PIEZO2: variants seen among roughly 807,000 people sequenced by gnomAD.
PIEZO2 encodes the protein piezo type mechanosensitive ion channel component 2.
Under a neutral mutation model 337.3 loss-of-function variants are expected in PIEZO2, and 172 were observed. The observed-to-expected ratio is 0.51, with a 90% CI of 0.45 to 0.58. PIEZO2 has a LOEUF of 0.58. PIEZO2 is among the 20% of genes least tolerant of loss of function. The pLI is 0.00. For synonymous variants in PIEZO2, 1,251 were observed against 1,228.5 expected (o/e 1.02, Z -0.38); for missense variants, 3,028 against 3,391.3 (o/e 0.89, Z 2.66).
intron 3 of PIEZO2, among the ~76,000 whole-genome samples, chr18:10,975,269 A>T (rs966831110): frequency 6.6e-6 from 1 of 152,232 alleles, no homozygotes; most frequent in Non-Finnish European, 1.5e-5. Context: ...ATCGCCACAC[A>T]TCTAACACGG....
At chr18:11,076,235 G>T (rs1323600811) in intron 1 of PIEZO2, among the ~76,000 whole-genome samples, 1 of 152,172 alleles carries the variant, frequency 6.6e-6, no homozygotes, top group Non-Finnish European at 1.5e-5. Flanking sequence ...CACACTTCAA[G>T]AAAGAGAAAC....
At position 10,897,607 on chromosome 18, in the gene PIEZO2, C is replaced by T. The variant is rs557508465; in HGVS notation, c.329+13579G>A. On this transcript the variant is annotated intron_variant, in intron 4 of 55. Coordinates refer to ENST00000674853, the MANE Select transcript of PIEZO2 (RefSeq NM_001378183.1). ...CATGAGTGTGGGGCCTCCTCAGCCA[C>T]GTGGAACTGTGAGTCCATTAAACCT... Among the ~76,000 whole-genome samples, 5 of 152,306 alleles carry T rather than the reference C, an allele frequency of 3.3e-5. No homozygotes were observed. In the East Asian group the frequency reaches 7.7e-4, roughly 24 times the overall value.
At position 10,988,505 on chromosome 18, in the gene PIEZO2, T is replaced by C. The variant is rs2034967806; in HGVS notation, c.161-8845A>G. On this transcript the variant is annotated intron_variant, in intron 2 of 55. Coordinates refer to ENST00000674853, the MANE Select transcript of PIEZO2 (RefSeq NM_001378183.1). This position sits in a 1 kb window ranked among gnomAD's most constrained non-coding sequence, Gnocchi z 4.8. ...TACTGTTGGTGAAAATGTAACTTGG[T>C]AGCTCCATTATGAAAAATAGTATGG... Among the ~76,000 whole-genome samples the C allele has an allele frequency of 6.6e-6, 1 of 152,176 alleles. No homozygotes were observed. The highest frequency in any genetic ancestry group is 2.4e-5 in the African/African-American group (1 of 41,444).
At position 11,116,572 on chromosome 18, in the gene PIEZO2, G is replaced by A. The variant is rs889490532; in HGVS notation, c.64+31953C>T. ...ACTAAAAAAAATTAAAAAATTAGCC[G>A]GGCGTGGTGGCGGGGGGCCTGTAGT... On this transcript the variant is annotated intron_variant, in intron 1 of 55. Coordinates refer to ENST00000674853, the MANE Select transcript of PIEZO2 (RefSeq NM_001378183.1). The surrounding 1 kb of genome is among the most constrained non-coding windows in gnomAD (Gnocchi z 5.0). Among the ~76,000 whole-genome samples, 7 of 151,960 alleles carry A rather than the reference G, an allele frequency of 4.6e-5. No homozygotes were observed. The highest frequency in any genetic ancestry group is 3.9e-4 in the East Asian group (2 of 5,132).
chr18:11,029,648 G>T (rs2036659723), intron 2 of PIEZO2, among the ~76,000 whole-genome samples: 2 of 152,108 alleles, frequency 1.3e-5, no homozygotes, highest in South Asian at 4.2e-4. Context: ...TGTCTGCTGG[G>T]GTAGTTCTTT....
chr18:10,692,408 T>C lies in PIEZO2; in HGVS notation c.7191-1025A>G, dbSNP rs537771963. The stretch of plus-strand genomic sequence containing the variant: ...CTTGAATGTTTTGATACAAGCACCA[T>C]ATTTCTCTCTGTGCCATATTTTGGA... On this transcript the variant is annotated intron_variant, in intron 47 of 55. Coordinates refer to ENST00000674853, the MANE Select transcript of PIEZO2 (RefSeq NM_001378183.1). Among the ~76,000 whole-genome samples the C allele has an allele frequency of 6.5e-4, 99 of 152,296 alleles. 1 individual carries two copies. The highest frequency in any genetic ancestry group is 2.2e-3 in the African/African-American group (93 of 41,580).
rs1289961960 is a variant in PIEZO2 at position 10,762,486 on chromosome 18, G to C, written c.3249+14C>G. On this transcript the variant is annotated intron_variant, in intron 23 of 55. Coordinates refer to ENST00000674853, the MANE Select transcript of PIEZO2 (RefSeq NM_001378183.1). Reference sequence around the variant, plus strand: ...CGGAGTGGAGGCCCAAACTAAGCACGACAAAGCCATTACCCTCAGGTAGAC... The same window carrying C: ...CGGAGTGGAGGCCCAAACTAAGCACCACAAAGCCATTACCCTCAGGTAGAC... 1.3e-6 allele frequency: 2 copies of C among 1,535,820 alleles called. No homozygotes were observed. Among genetic ancestry groups the C allele is most frequent in the South Asian group, 1.2e-5 (1 of 83,610 alleles).
At chr18:10,809,258 C>CTTT (rs2040101198) in intron 7 of PIEZO2, among the ~76,000 whole-genome samples, 4 of 86,072 alleles carry the variant, frequency 4.6e-5, no homozygotes, top group South Asian at 3.7e-4. Context: ...CTCTCTCTCT[C>CTTT]TCTTTTTTTT....
At position 11,040,417 on chromosome 18, in the gene PIEZO2, A is replaced by G. The variant is rs189264481; in HGVS notation, c.160+25710T>C. ...TGAGGAGGTAATGACTAAATTGATC[A>G]GAACATAATCAGGGTTTTAACTGTC... is the stretch of plus-strand genomic sequence containing the variant. On this transcript the variant is annotated intron_variant, in intron 2 of 55. Coordinates refer to ENST00000674853, the MANE Select transcript of PIEZO2 (RefSeq NM_001378183.1). Among the ~76,000 whole-genome samples the G allele has an allele frequency of 1.7e-3, 265 of 152,330 alleles. 1 individual carries two copies. The highest frequency in any genetic ancestry group is 6.2e-3 in the African/African-American group (257 of 41,582).
rs2041054590 is a variant in PIEZO2 at position 10,837,541 on chromosome 18, G to A, written c.917+17812C>T. Reference sequence around the variant, plus strand: ...CAAGAAAGCTTGAGAACCACTGGTAGATGGTATCAATATCTCTTCCCAATC... The same window carrying A: ...CAAGAAAGCTTGAGAACCACTGGTAAATGGTATCAATATCTCTTCCCAATC... On this transcript the variant is annotated intron_variant, in intron 7 of 55. Coordinates refer to ENST00000674853, the MANE Select transcript of PIEZO2 (RefSeq NM_001378183.1). The surrounding 1 kb of genome is among the most constrained non-coding windows in gnomAD (Gnocchi z 4.4). Among the ~76,000 whole-genome samples, 1 of 152,178 alleles carries A rather than the reference G, an allele frequency of 6.6e-6. No homozygotes were observed. The highest frequency in any genetic ancestry group is 2.1e-4 in the South Asian group (1 of 4,830).
chr18:10,970,670 A>T (rs947456757), intron 3 of PIEZO2, among the ~76,000 whole-genome samples: 2,551 of 140,826 alleles, frequency 0.018, 89 homozygotes, highest in African/African-American at 0.069. Flanking sequence ...TCACACACAC[A>T]CACACACACA....
chr18:10,936,616 G>C (rs2032415024), intron 3 of PIEZO2, among the ~76,000 whole-genome samples: 1 of 152,172 alleles, frequency 6.6e-6, no homozygotes, highest in African/African-American at 2.4e-5. Context: ...TAAGTTGTAA[G>C]AGTTCTGCCA....
At chr18:10,742,148 C>T (rs572411081) in intron 32 of PIEZO2, among the ~76,000 whole-genome samples, 8 of 152,060 alleles carry the variant, frequency 5.3e-5, no homozygotes, top group Admixed American at 5.2e-4. Context: ...GAGCGAGACT[C>T]CGTCTCAAAA....
At chr18:10,930,884 ACCT>A (rs1464961124) in intron 3 of PIEZO2, among the ~76,000 whole-genome samples, 1 of 152,150 alleles carries the variant, frequency 6.6e-6, no homozygotes, top group East Asian at 1.9e-4. Flanking sequence ...TCTATAGGTA[ACCT>A]CCTATTGTTT....
rs958627930 is a variant in PIEZO2, at chr18:10,704,780, A to G, written c.6000-128T>C. On this transcript the variant is annotated intron_variant, in intron 41 of 55. Transcript: ENST00000674853. ...GCTCACTGCAACCTCCGCCTCCCGAACTCAAGCCATTCTCCTGCTTCAGCC... is the reference window on the plus strand; with the variant it reads ...GCTCACTGCAACCTCCGCCTCCCGAGCTCAAGCCATTCTCCTGCTTCAGCC... 28 of 1,118,874 alleles carry G rather than the reference A, an allele frequency of 2.5e-5. No individual in the cohort carries two copies. The African/African-American group carries it at 3.5e-4, about 14-fold the overall frequency. 69.3% of individuals were successfully genotyped at this position (1,118,874 alleles called of 1,614,324 possible). A position where few individuals can be genotyped will look rare whatever the true frequency, so the allele number is the denominator to read the frequency against.
At chr18:10,751,772 C>T (rs1235616036) in intron 28 of PIEZO2, among the ~76,000 whole-genome samples, 2 of 152,290 alleles carry the variant, frequency 1.3e-5, no homozygotes, top group East Asian at 1.9e-4. Context: ...CTTAAGTGAG[C>T]GCCAGCCAGA....
chr18:10,728,791 T>C (rs1172613876), intron 36 of PIEZO2, among the ~76,000 whole-genome samples: 1 of 151,540 alleles, frequency 6.6e-6, no homozygotes, highest in Non-Finnish European at 1.5e-5. Context: ...TCGTCTCTAC[T>C]AAAAGTACAA....
chr18:10,960,872 A>G (rs28524667), intron 3 of PIEZO2, among the ~76,000 whole-genome samples: 1,795 of 152,236 alleles, frequency 0.012, 34 homozygotes, highest in African/African-American at 0.041. Flanking sequence ...ATTTGGTAGA[A>G]GAGTTCATTA....
At chr18:10,820,204 T>C (rs1205689612) in intron 7 of PIEZO2, among the ~76,000 whole-genome samples, 1 of 152,128 alleles carries the variant, frequency 6.6e-6, no homozygotes, top group East Asian at 1.9e-4. Flanking sequence ...TTGGACAGGG[T>C]GTTTATATTT....
Sources: gnomAD v4.1 joint callset for allele counts (sites outside exome capture counted in the v4.1 genomes callset) on GRCh38, gnomAD v4.1.1 for gene constraint, Gnocchi (gnomAD v3.1) non-coding constraint, MANE v1.5 for transcripts, NCBI Gene and HGNC (gene_info 2026-07-23, HGNC 2026-07-21) for gene names.